TSPAN9: variants seen among roughly 807,000 people sequenced by gnomAD.
TSPAN9 encodes tetraspanin 9.
TSPAN9 carries 16 observed loss-of-function variants against 31.0 expected under a neutral mutation model. The ratio of observed to expected loss-of-function variants is 0.52; its 90% CI spans 0.35 to 0.78. TSPAN9 has a LOEUF of 0.78. TSPAN9 is among the 30% of genes least tolerant of loss of function. TSPAN9 has a pLI of 0.01. For missense variants in TSPAN9, 272 were observed against 312.5 expected, an observed-to-expected ratio of 0.87 and a Z score of 0.98; for synonymous variants, 145 against 121.6, an observed-to-expected ratio of 1.19 and a Z score of -1.27.
chr12:3,140,809 G>C (rs2098334447), intron 2 of TSPAN9, among the ~76,000 whole-genome samples: 2 of 152,090 alleles, frequency 1.3e-5, no homozygotes, highest in Non-Finnish European at 2.9e-5. Flanking sequence ...AAGCCCAGGG[G>C]AAGAGTGGGT....
chr12:3,109,005 C>G (rs540017011), intron 2 of TSPAN9, among the ~76,000 whole-genome samples: 259 of 151,838 alleles, frequency 1.7e-3, no homozygotes, highest in Admixed American at 3.8e-3. Context: ...GCGCGATCTC[C>G]GCTCACTGCA....
chr12:3,283,497 C>T lies in TSPAN9; in HGVS notation c.*381C>T, dbSNP rs1064048. On this transcript the variant is annotated 3_prime_UTR_variant, in exon 9 of 9. Coordinates refer to ENST00000011898, the MANE Select transcript of TSPAN9 (RefSeq NM_006675.5). The stretch of plus-strand genomic sequence containing the variant: ...CAGAGTGCCCGCCCCGTGGAGATAC[C>T]GCCCCAGCGGGGGCTGCGACATCCA... The T allele has an allele frequency of 0.043, 7,549 of 173,882 alleles. 212 individuals carry two copies. The highest frequency in any genetic ancestry group is 0.063 in the Non-Finnish European group (5,180 of 82,710). 10.8% of individuals were successfully genotyped at this position (173,882 alleles called of 1,614,324 possible).
chr12:3,156,552 A>G (rs1414283385), intron 2 of TSPAN9, among the ~76,000 whole-genome samples: 2 of 151,236 alleles, frequency 1.3e-5, no homozygotes, highest in Non-Finnish European at 2.9e-5. Flanking sequence ...CCCAGGCTGG[A>G]GTGCAGTGGC....
At chr12:3,105,290 G>A (rs546188925) in intron 2 of TSPAN9, among the ~76,000 whole-genome samples, 31 of 152,176 alleles carry the variant, frequency 2.0e-4, no homozygotes, top group Non-Finnish European at 3.5e-4. Flanking sequence ...TTCTGTTTCC[G>A]AGTGAAGTCT....
chr12:3,173,734 C>G (rs1373719662), intron 2 of TSPAN9: 2 of 152,192 alleles, frequency 1.3e-5, no homozygotes, highest in African/African-American at 4.8e-5. Context: ...CTCAAGTGAT[C>G]CTGTTCCTCG....
rs992013100 is a variant in TSPAN9, at chr12:3,170,252, C to A, written c.-17-30925C>A. On this transcript the variant is annotated intron_variant, in intron 2 of 8. Transcript: ENST00000011898. The surrounding 1 kb of genome is among the most constrained non-coding windows in gnomAD (Gnocchi z 4.4). Reference sequence around the variant, plus strand: ...GTTTATGGTGTTTACAGGGAATATTCTGCACTGATCCCTGCCAGGGCTCAG... The same window carrying A: ...GTTTATGGTGTTTACAGGGAATATTATGCACTGATCCCTGCCAGGGCTCAG... 6.6e-6 allele frequency among the ~76,000 whole-genome samples: 1 copy of A among 152,068 alleles called. No homozygotes were observed. The highest frequency in any genetic ancestry group is 2.4e-5 in the African/African-American group (1 of 41,410).
At chr12:3,244,577 C>T (rs749290939) in intron 3 of TSPAN9, among the ~76,000 whole-genome samples, 11 of 152,162 alleles carry the variant, frequency 7.2e-5, no homozygotes, top group Non-Finnish European at 1.2e-4. Context: ...AACGCACTCT[C>T]GAGCCACCTC....
rs56255339 is a variant in TSPAN9 at position 3,147,006 on chromosome 12, G to T, written c.-17-54171G>T. Among the ~76,000 whole-genome samples, 25,743 of 152,054 alleles carry T rather than the reference G, an allele frequency of 0.17. 2,427 individuals carry two copies. Among genetic ancestry groups the T allele is most frequent in the Non-Finnish European group, 0.22 (15,171 of 67,972 alleles). On this transcript the variant is annotated intron_variant, in intron 2 of 8. Coordinates refer to ENST00000011898, the MANE Select transcript of TSPAN9 (RefSeq NM_006675.5). This position sits in a 1 kb window ranked among gnomAD's most constrained non-coding sequence, Gnocchi z 4.3. The stretch of plus-strand genomic sequence containing the variant: ...GTTTAACCACACTCACCTTTCAGTA[G>T]TATTTTGGACATCAAATGGGTAGAT...
At chr12:3,086,923 G>T (rs1343471022) in intron 2 of TSPAN9, among the ~76,000 whole-genome samples, 2 of 152,236 alleles carry the variant, frequency 1.3e-5, no homozygotes, top group Non-Finnish European at 2.9e-5. Context: ...CAATCATGGG[G>T]TGCACATGTT....
Position 3,269,946 on chromosome 12 carries a change from G to A in TSPAN9, c.64-8475G>A, listed in dbSNP as rs561899544. On this transcript the variant is annotated intron_variant, in intron 3 of 8. Coordinates refer to ENST00000011898, the MANE Select transcript of TSPAN9 (RefSeq NM_006675.5). Reference sequence around the variant, plus strand: ...GTCCTGGTAGGGCTGCGGCGGCAGCGGGAATCGATGTTTATGGACTGGTGA... The same window carrying A: ...GTCCTGGTAGGGCTGCGGCGGCAGCAGGAATCGATGTTTATGGACTGGTGA... Among the ~76,000 whole-genome samples, 29 of 152,338 alleles carry A rather than the reference G, an allele frequency of 1.9e-4. No individual in the cohort carries two copies. The South Asian group carries it at 5.6e-3, about 29-fold the overall frequency.
rs114311381 is a variant in TSPAN9 at position 3,125,819 on chromosome 12, A to G, written c.-18+42100A>G. 4.8e-3 allele frequency among the ~76,000 whole-genome samples: 729 copies of G among 152,254 alleles called. 9 individuals are homozygous for G. The highest frequency in any genetic ancestry group is 0.017 in the African/African-American group (694 of 41,570). On this transcript the variant is annotated intron_variant, in intron 2 of 8. Coordinates refer to ENST00000011898, the MANE Select transcript of TSPAN9 (RefSeq NM_006675.5). ...ACAATACGTTTGAAACTGACCCTCA[A>G]GTGAGCCCAGAGAACACTTGTGATC...
At chr12:3,209,997 G>A (rs1240594906) in intron 3 of TSPAN9, among the ~76,000 whole-genome samples, 2 of 146,690 alleles carry the variant, frequency 1.4e-5, no homozygotes, top group Non-Finnish European at 1.5e-5. Flanking sequence ...TTAGCCGGGT[G>A]TGGTGGCGGG....
At chr12:3,095,973 G>C (rs905389743) in intron 2 of TSPAN9, among the ~76,000 whole-genome samples, 12 of 150,194 alleles carry the variant, frequency 8.0e-5, no homozygotes, top group Non-Finnish European at 1.5e-4. Context: ...ACTTTGGGAG[G>C]CCAAGGCAGG....
intron 2 of TSPAN9, among the ~76,000 whole-genome samples, chr12:3,138,647 GACTTTTTTTT>G (rs2098333209): frequency 8.8e-5 from 2 of 22,628 alleles, no homozygotes; most frequent in Non-Finnish European, 2.2e-4. Context: ...AAAAAAAAAG[GACTTTTTTTT>G]CCTTTTTTTG....
chr12:3,273,459 T>C (rs1158405352), intron 3 of TSPAN9, among the ~76,000 whole-genome samples: 2 of 152,106 alleles, frequency 1.3e-5, no homozygotes, highest in African/African-American at 2.4e-5. Context: ...GGTGCTAGCA[T>C]TGCCTGGGGC....
In TSPAN9 at chr12:3,220,027, C is replaced by T. The variant is rs568401131; in HGVS notation, c.63+18771C>T. Among the ~76,000 whole-genome samples the T allele has an allele frequency of 1.1e-3, 161 of 152,034 alleles. 1 individual carries two copies. The highest frequency in any genetic ancestry group is 3.6e-3 in the African/African-American group (151 of 41,442). ...AAAAGTAGTGGCGCATGCTTGTAGT[C>T]CCAGCTGCTTGGAAGGCTAAGGCAG... On this transcript the variant is annotated intron_variant, in intron 3 of 8. Coordinates refer to ENST00000011898, the MANE Select transcript of TSPAN9 (RefSeq NM_006675.5).
chr12:3,097,692 G>A (rs1043915501), intron 2 of TSPAN9, among the ~76,000 whole-genome samples: 4 of 152,320 alleles, frequency 2.6e-5, no homozygotes, highest in Non-Finnish European at 4.4e-5. Flanking sequence ...CCAGAGGAAT[G>A]GCTCCCCCCG....
At chr12:3,169,608 C>T (rs1285722723) in intron 2 of TSPAN9, among the ~76,000 whole-genome samples, 1 of 152,152 alleles carries the variant, frequency 6.6e-6, no homozygotes. Flanking sequence ...TAATAACAAA[C>T]CCTGTGAACA....
At chr12:3,146,316 G>A (rs948846634) in intron 2 of TSPAN9, among the ~76,000 whole-genome samples, 2 of 152,194 alleles carry the variant, frequency 1.3e-5, no homozygotes, top group African/African-American at 2.4e-5. Flanking sequence ...CAAGGCCCTC[G>A]GGGAGCTTAG....
Sources: gnomAD v4.1 joint callset for allele counts (sites outside exome capture counted in the v4.1 genomes callset) on GRCh38, gnomAD v4.1.1 for gene constraint, Gnocchi (gnomAD v3.1) non-coding constraint, MANE v1.5 for transcripts, NCBI Gene and HGNC (gene_info 2026-07-23, HGNC 2026-07-21) for gene names.